Variants in PTPN11 observed in about 807,000 individuals in gnomAD.
PTPN11 encodes tyrosine-protein phosphatase non-receptor type 11.
PTPN11 carries 6 observed loss-of-function variants against 78.8 expected under a neutral mutation model. That is an observed-to-expected ratio of 0.08 (90% CI 0.04 to 0.15). PTPN11 has a LOEUF of 0.15. Among genes scored for constraint, PTPN11 ranks in the 10% least tolerant of loss-of-function variants. The probability of loss-of-function intolerance (pLI) is 1.00; values close to 1 mark genes in which losing one functional copy is unlikely to be tolerated. For synonymous variants in PTPN11, 221 were observed against 263.5 expected, an observed-to-expected ratio of 0.84 and a Z score of 1.56; for missense variants, 386 against 744.8, an observed-to-expected ratio of 0.52 and a Z score of 5.61.
intron 13 of PTPN11, among the ~76,000 whole-genome samples, chr12:112,490,388 C>T (rs1285446773): frequency 6.7e-6 from 1 of 150,070 alleles, no homozygotes; most frequent in Non-Finnish European, 1.5e-5. Flanking sequence ...CTCACTGCAG[C>T]CTCAATCTCC....
chr12:112,442,169 T>C (rs934129147), intron 1 of PTPN11, among the ~76,000 whole-genome samples: 21 of 152,188 alleles, frequency 1.4e-4, no homozygotes, highest in African/African-American at 5.1e-4. Flanking sequence ...TAAAAAACAT[T>C]TTATTTTGAA....
intron 10 of PTPN11, among the ~76,000 whole-genome samples, chr12:112,486,045 C>CA (rs1449187290): frequency 6.6e-6 from 1 of 150,574 alleles, no homozygotes; most frequent in African/African-American, 2.5e-5. Flanking sequence ...GGTTGAGTAT[C>CA]AAAAAAATAA....
At chr12:112,428,600 C>T (rs374375117) in intron 1 of PTPN11, among the ~76,000 whole-genome samples, 7 of 150,804 alleles carry the variant, frequency 4.6e-5, no homozygotes, top group East Asian at 3.9e-4. Context: ...ATTGAATACA[C>T]GTATTAAACC....
chr12:112,445,321 G>A (rs1349122820), intron 1 of PTPN11, among the ~76,000 whole-genome samples: 1 of 151,994 alleles, frequency 6.6e-6, no homozygotes, highest in Non-Finnish European at 1.5e-5. Context: ...TAGTAGAGAT[G>A]GGGTTTCACC....
At chr12:112,491,119 C>T (rs184849995) in intron 13 of PTPN11, among the ~76,000 whole-genome samples, 27 of 152,086 alleles carry the variant, frequency 1.8e-4, no homozygotes, top group Non-Finnish European at 3.7e-4. Flanking sequence ...AGAAACAGCA[C>T]AAGGAAGGAA....
intron 6 of PTPN11, among the ~76,000 whole-genome samples, chr12:112,467,447 A>T (rs927976846): frequency 2.0e-5 from 3 of 152,202 alleles, no homozygotes; most frequent in African/African-American, 7.2e-5. Flanking sequence ...GCAGACGATC[A>T]CATGGCCGGA....
intron 1 of PTPN11, among the ~76,000 whole-genome samples, chr12:112,435,456 C>A (rs1287939307): frequency 6.6e-6 from 1 of 152,052 alleles, no homozygotes; most frequent in African/African-American, 2.4e-5. Flanking sequence ...TGGTGACAGT[C>A]AGGGAACAGA....
At chr12:112,499,198 T>G (rs926271256) in intron 13 of PTPN11, among the ~76,000 whole-genome samples, 1 of 149,408 alleles carries the variant, frequency 6.7e-6, no homozygotes, top group African/African-American at 2.5e-5. Context: ...GTCATGTGTT[T>G]TTAAAAATTG....
Position 112,502,545 on chromosome 12 carries a change from G to C in PTPN11, c.1712+289G>C, listed in dbSNP as rs139055019. Among the ~76,000 whole-genome samples, 2,200 of 152,176 alleles carry C rather than the reference G, an allele frequency of 0.014. 57 individuals carry two copies. The highest frequency in any genetic ancestry group is 0.051 in the African/African-American group (2,110 of 41,496). On this transcript the variant is annotated intron_variant, in intron 14 of 15. Coordinates refer to ENST00000351677, the MANE Select transcript of PTPN11 (RefSeq NM_002834.5). ...TGGATTACTTTGAAGTCAGGAGTTC[G>C]AGACCAGCCTGGCCAACATGGTGAA...
Position 112,456,134 on chromosome 12 carries a change from G to T in PTPN11, c.756+71G>T, listed in dbSNP as rs1343884064. 59 of 1,042,284 alleles carry T rather than the reference G, an allele frequency of 5.7e-5. 1 individual carries two copies. In the South Asian group the frequency reaches 7.6e-4, roughly 13 times the overall value. The allele number at this position is 1,042,284 out of a possible 1,614,324, so 64.6% of individuals were successfully genotyped here. A position where few individuals can be genotyped will look rare whatever the true frequency, so the allele number is the denominator to read the frequency against. ...TTTTAGTGGAGGAGAAGTTGCTCTT[G>T]TGTTTGGAATTGGACCTGAGAGACT... On this transcript the variant is annotated intron_variant, in intron 6 of 15. Coordinates refer to ENST00000351677, the MANE Select transcript of PTPN11 (RefSeq NM_002834.5).
At position 112,427,475 on chromosome 12, in the gene PTPN11, G is replaced by A. The variant is rs575978652; in HGVS notation, c.14+8350G>A. Among the ~76,000 whole-genome samples, 697 of 152,000 alleles carry A rather than the reference G, an allele frequency of 4.6e-3. 5 individuals carry two copies. Among genetic ancestry groups the A allele is most frequent in the Admixed American group, 9.2e-3 (140 of 15,260 alleles). On this transcript the variant is annotated intron_variant, in intron 1 of 15. Transcript: ENST00000351677. ...GCAGGAGAATGGCGTGAACCCGGGAGGTGGAGGTTGCAGTGAGCCGAGACT... is the reference window on the plus strand; with the variant it reads ...GCAGGAGAATGGCGTGAACCCGGGAAGTGGAGGTTGCAGTGAGCCGAGACT...
At chr12:112,441,215 C>T (rs540422353) in intron 1 of PTPN11, among the ~76,000 whole-genome samples, 15 of 151,062 alleles carry the variant, frequency 9.9e-5, no homozygotes, top group Admixed American at 7.3e-4. Flanking sequence ...CCACCTGCCT[C>T]GGCCTCCCAA....
At chr12:112,475,378 C>A (rs1465491858) in intron 7 of PTPN11, among the ~76,000 whole-genome samples, 1 of 152,042 alleles carries the variant, frequency 6.6e-6, no homozygotes, top group Non-Finnish European at 1.5e-5. Context: ...TTGTCTGAGG[C>A]CTAGATTGAT....
At chr12:112,435,677 A>G (rs1308295551) in intron 1 of PTPN11, among the ~76,000 whole-genome samples, 1 of 150,510 alleles carries the variant, frequency 6.6e-6, no homozygotes, top group African/African-American at 2.5e-5. Flanking sequence ...AAATACTACA[A>G]TATGACTACC....
chr12:112,426,445 T>C (rs1417740953), intron 1 of PTPN11, among the ~76,000 whole-genome samples: 2 of 152,112 alleles, frequency 1.3e-5, no homozygotes, highest in Non-Finnish European at 2.9e-5. Flanking sequence ...TTAGTAGAGA[T>C]GGGGTTTCAC....
chr12:112,478,066 A>G (rs1238715099), intron 9 of PTPN11, 51 bp downstream of exon 9: 4 of 1,597,976 alleles, frequency 2.5e-6, no homozygotes, highest in South Asian at 1.1e-5. Flanking sequence ...AGTATCAGAC[A>G]TGTCAGATTG....
At chr12:112,496,554 A>T (rs2038816861) in intron 13 of PTPN11, among the ~76,000 whole-genome samples, 1 of 151,864 alleles carries the variant, frequency 6.6e-6, no homozygotes, top group African/African-American at 2.4e-5. Context: ...CTATATATAT[A>T]TTAAGCTAAA....
chr12:112,419,064 G>A lies in PTPN11; in HGVS notation c.-48G>A, dbSNP rs1387638749. 4 of 1,534,794 alleles carry A rather than the reference G, an allele frequency of 2.6e-6. No individual in the cohort carries two copies. Among genetic ancestry groups the A allele is most frequent in the African/African-American group, 1.4e-5 (1 of 71,626 alleles). ...GCCCGATGTGACCGAGCCCAGCGGA[G>A]CCTGAGCAAGGAGCGGGTCCGTCGC... On this transcript the variant is annotated 5_prime_UTR_variant, in exon 1 of 16. Coordinates refer to ENST00000351677, the MANE Select transcript of PTPN11 (RefSeq NM_002834.5).
rs893158717 is a variant in PTPN11 at position 112,418,951 on chromosome 12, T to A, written c.-161T>A. ...CGGGCCGGGGGGCAGCTGCACAGTCTCCGGGATCCCCAGGCCTGGAGGGGG... is the reference window on the plus strand; with the variant it reads ...CGGGCCGGGGGGCAGCTGCACAGTCACCGGGATCCCCAGGCCTGGAGGGGG... On this transcript the variant is annotated 5_prime_UTR_variant, in exon 1 of 16. Transcript: ENST00000351677. 20 of 848,358 alleles carry A rather than the reference T, an allele frequency of 2.4e-5. No homozygotes were observed. In the East Asian group the frequency reaches 6.1e-4, roughly 26 times the overall value. The allele number at this position is 848,358 out of a possible 1,614,324, so 52.6% of individuals were successfully genotyped here. A position where few individuals can be genotyped will look rare whatever the true frequency, so the allele number is the denominator to read the frequency against.
Sources: allele counts gnomAD v4.1 joint callset (sites outside exome capture counted in the v4.1 genomes callset), GRCh38; gene constraint gnomAD v4.1.1; transcripts MANE v1.5; gene names NCBI Gene and HGNC (gene_info 2026-07-23, HGNC 2026-07-21).